The following CNTN3 variants were observed in gnomAD, a reference collection of about 807,000 sequenced individuals.
CNTN3 encodes contactin-3.
CNTN3 carries 60 observed loss-of-function variants against 119.1 expected under a neutral mutation model. That is an observed-to-expected ratio of 0.50 (90% CI 0.41 to 0.62). The LOEUF (loss-of-function observed/expected upper bound fraction) is 0.62, where lower values mean the gene tolerates loss of function less well. Among genes scored for constraint, CNTN3 ranks in the 20% least tolerant of loss-of-function variants. The pLI is 0.00. For missense variants in CNTN3, 1,101 were observed against 1,242.4 expected (o/e 0.89, Z 1.71); for synonymous variants, 450 against 438.7 (o/e 1.03, Z -0.32).
intron 20 of CNTN3, among the ~76,000 whole-genome samples, chr3:74,269,938 C>T (rs1231378843): frequency 1.3e-5 from 2 of 152,052 alleles, no homozygotes; most frequent in African/African-American, 4.8e-5. Flanking sequence ...AGATCTATTG[C>T]ACAGAAATGT....
At chr3:74,419,139 G>C (rs1701578081) in intron 5 of CNTN3, among the ~76,000 whole-genome samples, 1 of 152,126 alleles carries the variant, frequency 6.6e-6, no homozygotes, top group African/African-American at 2.4e-5. Context: ...CAGTAGCAAA[G>C]TGTTGTTCAA....
At chr3:74,466,814 G>T (rs1056090828) in intron 4 of CNTN3, among the ~76,000 whole-genome samples, 2 of 152,024 alleles carry the variant, frequency 1.3e-5, no homozygotes, top group African/African-American at 4.8e-5. Context: ...ATACATAAAA[G>T]AAATGAATGT....
intron 2 of CNTN3, among the ~76,000 whole-genome samples, chr3:74,504,702 C>T (rs766069609): frequency 1.5e-4 from 23 of 152,136 alleles, no homozygotes; most frequent in Admixed American, 7.2e-4. Context: ...TAGCTATCAC[C>T]GGCCCTTCTT....
chr3:74,547,654 T>C (rs1703934440), intron 1 of CNTN3, among the ~76,000 whole-genome samples: 1 of 152,146 alleles, frequency 6.6e-6, no homozygotes, highest in African/African-American at 2.4e-5. Context: ...TACTGAGCTG[T>C]TTATATAGAA....
At chr3:74,375,497 C>T (rs980335638) in intron 5 of CNTN3, among the ~76,000 whole-genome samples, 4 of 151,922 alleles carry the variant, frequency 2.6e-5, no homozygotes, top group Admixed American at 1.3e-4. Context: ...TCCACAGACA[C>T]GATTAAGTTA....
At chr3:74,366,630 G>A (rs1021753475) in intron 8 of CNTN3, among the ~76,000 whole-genome samples, 18 of 151,324 alleles carry the variant, frequency 1.2e-4, no homozygotes, top group Non-Finnish European at 2.2e-4. Flanking sequence ...CTGCAACCAT[G>A]GGAAGATTTG....
At chr3:74,366,780 G>GTGTGTGTATATATATATATATATATA (rs1447686332) in intron 8 of CNTN3, among the ~76,000 whole-genome samples, 2 of 63,714 alleles carry the variant, frequency 3.1e-5, no homozygotes, top group Non-Finnish European at 5.3e-5. Context: ...GTGTGTGTGT[G>GTGTGTGTATATATATATATATATATA]TATATATATA....
Position 74,425,053 on chromosome 3 carries a change from T to C in CNTN3, c.359-113A>G, listed in dbSNP as rs896294801. ...CAATTTTAGTTTTTGCTTTTTTCTT[T>C]AAAAATTTTTATTTTTATTTACTTA... On this transcript the variant is annotated intron_variant, in intron 4 of 22. Coordinates refer to ENST00000263665, the MANE Select transcript of CNTN3 (RefSeq NM_020872.3). The C allele has an allele frequency of 9.5e-5, 65 of 680,976 alleles. No homozygotes were observed. The Admixed American group carries it at 1.6e-3, about 17-fold the overall frequency. The allele number at this position is 680,976 out of a possible 1,614,324, so 42.2% of individuals were successfully genotyped here.
intron 11 of CNTN3, among the ~76,000 whole-genome samples, chr3:74,360,155 C>T (rs931932344): frequency 7.9e-5 from 12 of 152,156 alleles, no homozygotes; most frequent in Non-Finnish European, 1.3e-4. Flanking sequence ...TCTAAATATA[C>T]CTTTGGGGCT....
chr3:74,276,714 C>A (rs1701888408), intron 20 of CNTN3, among the ~76,000 whole-genome samples: 1 of 152,006 alleles, frequency 6.6e-6, no homozygotes, highest in African/African-American at 2.4e-5. Context: ...TAAGGTCACA[C>A]CTCAAGGAAC....
At chr3:74,271,699 T>TTTCTG (rs1395414015) in intron 20 of CNTN3, among the ~76,000 whole-genome samples, 4 of 152,178 alleles carry the variant, frequency 2.6e-5, no homozygotes, top group Non-Finnish European at 5.9e-5. Context: ...AAGTTACGCT[T>TTTCTG]TGCACTTGGA....
At chr3:74,604,321 T>G (rs1704959243) in intron 1 of CNTN3, among the ~76,000 whole-genome samples, 1 of 151,908 alleles carries the variant, frequency 6.6e-6, no homozygotes, top group South Asian at 2.1e-4. Flanking sequence ...TGAGCTCAAT[T>G]CAAACTAAAA....
At chr3:74,391,557 C>CTTTTTTTTTTTTTTTT (rs554976641) in intron 5 of CNTN3, among the ~76,000 whole-genome samples, 14 of 87,030 alleles carry the variant, frequency 1.6e-4, no homozygotes, top group African/African-American at 6.5e-4. Flanking sequence ...CCCATAGTTT[C>CTTTTTTTTTTTTTTTT]TTTTTTTTTT....
intron 4 of CNTN3, among the ~76,000 whole-genome samples, chr3:74,452,866 C>T (rs1040053511): frequency 3.3e-5 from 5 of 151,738 alleles, no homozygotes; most frequent in Admixed American, 1.3e-4. Context: ...GGGATGAAGC[C>T]CACTTGATCA....
rs1045674799 is a variant in CNTN3 at position 74,299,854 on chromosome 3, G to A, written c.2166+14C>T. On this transcript the variant is annotated intron_variant, in intron 17 of 22. Coordinates refer to ENST00000263665, the MANE Select transcript of CNTN3 (RefSeq NM_020872.3). ...GCAAGACCCTGATGGGGAAGATGCT[G>A]CCCAAACACTTACATCCCAGGTTAT... 2 of 1,602,262 alleles carry A rather than the reference G, an allele frequency of 1.2e-6. No individual in the cohort carries two copies. The highest frequency in any genetic ancestry group is 1.3e-5 in the African/African-American group (1 of 74,560).
chr3:74,291,047 C>G (rs181564247), intron 19 of CNTN3, among the ~76,000 whole-genome samples: 32 of 152,130 alleles, frequency 2.1e-4, no homozygotes, highest in African/African-American at 7.0e-4. Flanking sequence ...TATCCCTCCC[C>G]CCTTCCCCCA....
At chr3:74,570,485 C>T (rs1270711968) in intron 1 of CNTN3, among the ~76,000 whole-genome samples, 2 of 120,968 alleles carry the variant, frequency 1.7e-5, no homozygotes, top group Non-Finnish European at 3.3e-5. Context: ...TCTCTCGCAA[C>T]ATTAAATGCG....
At chr3:74,588,067 T>C (rs574989476) in intron 1 of CNTN3, among the ~76,000 whole-genome samples, 7 of 152,142 alleles carry the variant, frequency 4.6e-5, no homozygotes, top group Non-Finnish European at 8.8e-5. Context: ...GGTTTTTGTC[T>C]TTGGTTCTGT....
At chr3:74,533,163 T>C (rs1019656257) in intron 1 of CNTN3, among the ~76,000 whole-genome samples, 2 of 152,036 alleles carry the variant, frequency 1.3e-5, no homozygotes, top group African/African-American at 4.8e-5. Context: ...CCTGTGGTTG[T>C]ATTTTCATAT....
Sources: gnomAD v4.1 joint callset for allele counts (sites outside exome capture counted in the v4.1 genomes callset) on GRCh38, gnomAD v4.1.1 for gene constraint, MANE v1.5 for transcripts, NCBI Gene and HGNC (gene_info 2026-07-23, HGNC 2026-07-21) for gene names.